Variants in TBC1D19 observed in about 807,000 individuals in gnomAD.
TBC1D19 encodes the protein TBC1 domain family, member 19.
In TBC1D19, 60 loss-of-function variants were observed where a neutral mutation model predicts 89.0. That is an observed-to-expected ratio of 0.67 (90% CI 0.55 to 0.84). The LOEUF (loss-of-function observed/expected upper bound fraction) is 0.84. TBC1D19 is among the 40% of genes least tolerant of loss of function. The pLI is 0.00. For synonymous variants in TBC1D19, 189 were observed against 199.7 expected (o/e 0.95, Z 0.45); for missense variants, 500 against 610.8 (o/e 0.82, Z 1.91).
intron 7 of TBC1D19, among the ~76,000 whole-genome samples, chr4:26,649,571 G>C (rs1429159993): frequency 1.3e-5 from 2 of 152,092 alleles, no homozygotes; most frequent in African/African-American, 2.4e-5. Flanking sequence ...TTGTCTCTAT[G>C]AATTTGCCTG....
chr4:26,672,580 A>G (rs1046921250), intron 10 of TBC1D19, among the ~76,000 whole-genome samples: 1 of 152,040 alleles, frequency 6.6e-6, no homozygotes, highest in Admixed American at 6.6e-5. Flanking sequence ...AGAAAATATA[A>G]CTGTAATGGT....
chr4:26,750,897 T>C (rs976648837), intron 19 of TBC1D19, among the ~76,000 whole-genome samples: 3 of 152,378 alleles, frequency 2.0e-5, no homozygotes, highest in South Asian at 2.1e-4. Flanking sequence ...TGGGTTACTA[T>C]GTAGTCTTGA....
At chr4:26,598,955 A>G (rs1740417631) in intron 1 of TBC1D19, among the ~76,000 whole-genome samples, 1 of 138,748 alleles carries the variant, frequency 7.2e-6, no homozygotes, top group Admixed American at 6.8e-5. Context: ...CAAAATAGAA[A>G]GTTGGGCAAG....
At chr4:26,807,390 T>TC in the TBC1D19 span, among the ~76,000 whole-genome samples, 2 of 152,106 alleles carry the variant, frequency 1.3e-5, no homozygotes, top group Middle Eastern at 3.2e-3. Context: ...GTTCTGAGTG[T>TC]CCCCCACGGG....
the TBC1D19 span, among the ~76,000 whole-genome samples, chr4:26,815,922 AC>A: frequency 6.6e-6 from 1 of 151,828 alleles, no homozygotes; most frequent in Non-Finnish European, 1.5e-5. Flanking sequence ...GCCTTGGAAT[AC>A]CCCCCGAGGG....
chr4:26,820,657 T>C, the TBC1D19 span, among the ~76,000 whole-genome samples: 2 of 152,198 alleles, frequency 1.3e-5, no homozygotes, highest in South Asian at 4.1e-4. Flanking sequence ...AGATATCTCT[T>C]TGACATACCA....
chr4:26,648,452 C>G (rs1449577106), intron 7 of TBC1D19, among the ~76,000 whole-genome samples: 3 of 152,242 alleles, frequency 2.0e-5, no homozygotes, highest in Admixed American at 6.5e-5. Context: ...CACTACCAGA[C>G]TTCCAGGTAT....
At chr4:26,805,243 T>G in the TBC1D19 span, among the ~76,000 whole-genome samples, 2 of 152,234 alleles carry the variant, frequency 1.3e-5, no homozygotes, top group Non-Finnish European at 2.9e-5. Context: ...CTAGGTCTGT[T>G]GAAACTACGG....
At position 26,666,548 on chromosome 4, in the gene TBC1D19, ATT is replaced by A. The variant is rs1041631748; in HGVS notation, c.664+144_664+145del. On this transcript the variant is annotated intron_variant, in intron 9 of 20. Transcript: ENST00000264866. Reference sequence around the variant, plus strand: ...TGCCTCTCCTTGGTTACTGTTATTTATTGAATAGAATCCTGTATGTTGTAATT... The same window carrying A: ...TGCCTCTCCTTGGTTACTGTTATTTAGAATAGAATCCTGTATGTTGTAATT... 1.2e-5 allele frequency: 7 copies of A among 573,508 alleles called. No individual in the cohort carries two copies. The Admixed American group carries it at 1.2e-4, about 10-fold the overall frequency. The allele number at this position is 573,508 out of a possible 1,614,324, so 35.5% of individuals were successfully genotyped here.
intron 13 of TBC1D19, among the ~76,000 whole-genome samples, chr4:26,709,415 G>A (rs888843855): frequency 1.3e-5 from 2 of 152,056 alleles, no homozygotes; most frequent in Non-Finnish European, 2.9e-5. Context: ...AGGGGAAGGG[G>A]CTTGCAACAA....
chr4:26,618,468 GT>G (rs1741832288), intron 3 of TBC1D19, among the ~76,000 whole-genome samples: 1 of 152,178 alleles, frequency 6.6e-6, no homozygotes, highest in East Asian at 1.9e-4. Context: ...TGGTACAAAA[GT>G]TTGTATGGCT....
intron 7 of TBC1D19, among the ~76,000 whole-genome samples, chr4:26,642,241 C>T (rs1743595762): frequency 6.6e-6 from 1 of 152,190 alleles, no homozygotes. Context: ...TCAGCAAAAA[C>T]CCTACAAGCC....
chr4:26,800,937 A>T, the TBC1D19 span, among the ~76,000 whole-genome samples: 1 of 151,958 alleles, frequency 6.6e-6, no homozygotes, highest in East Asian at 1.9e-4. Flanking sequence ...AATGCAAAAA[A>T]TTTCTCCCAT....
the TBC1D19 span, among the ~76,000 whole-genome samples, chr4:26,786,527 G>C: frequency 1.3e-5 from 2 of 152,066 alleles, no homozygotes; most frequent in East Asian, 3.9e-4. Flanking sequence ...CCAGCTACTC[G>C]AGAGGCTGAG....
rs567923226 is a variant in TBC1D19, at chr4:26,695,391, C to T, written c.954+6984C>T. On this transcript the variant is annotated intron_variant, in intron 13 of 20. Coordinates refer to ENST00000264866, the MANE Select transcript of TBC1D19 (RefSeq NM_018317.4). ...ACCAAATCTGTGTCTGATTGGTGTA[C>T]CTGAAAGTGATGGGGAGAATGGATC... 2.0e-5 allele frequency among the ~76,000 whole-genome samples: 3 copies of T among 152,272 alleles called. No homozygotes were observed. In the East Asian group the frequency reaches 5.8e-4, roughly 29 times the overall value.
At chr4:26,577,962 A>G (rs1739006548) in intron 1 of TBC1D19, among the ~76,000 whole-genome samples, 1 of 152,226 alleles carries the variant, frequency 6.6e-6, no homozygotes, top group East Asian at 1.9e-4. Context: ...GCTAAGAACT[A>G]TTGTCTTAGT....
At position 26,641,804 on chromosome 4, in the gene TBC1D19, C is replaced by T. The variant is rs918860200; in HGVS notation, c.480+1617C>T. On this transcript the variant is annotated intron_variant, in intron 7 of 20. Coordinates refer to ENST00000264866, the MANE Select transcript of TBC1D19 (RefSeq NM_018317.4). ...CATGTACAAGCTTCAGTAGCCGATT[C>T]GATCAACTGGAAGAAAGGGTATCAG... 5.3e-5 allele frequency among the ~76,000 whole-genome samples: 8 copies of T among 151,998 alleles called. 1 individual carries two copies. In the South Asian group the frequency reaches 6.2e-4, roughly 12 times the overall value.
intron 13 of TBC1D19, among the ~76,000 whole-genome samples, chr4:26,690,965 A>T (rs761637162): frequency 2.0e-5 from 3 of 152,226 alleles, no homozygotes; most frequent in Non-Finnish European, 4.4e-5. Context: ...TCTGGAAAGG[A>T]TTCACCAATC....
At chr4:26,655,926 A>T (rs1285121553) in intron 7 of TBC1D19, among the ~76,000 whole-genome samples, 1 of 152,172 alleles carries the variant, frequency 6.6e-6, no homozygotes, top group Admixed American at 6.5e-5. Flanking sequence ...CTGGCACCTC[A>T]GTTGGAAATG....
Sources: gnomAD v4.1 joint callset for allele counts (sites outside exome capture counted in the v4.1 genomes callset) on GRCh38, gnomAD v4.1.1 for gene constraint, MANE v1.5 for transcripts, NCBI Gene and HGNC (gene_info 2026-07-23, HGNC 2026-07-21) for gene names.